Variants in ZMAT3 observed in about 807,000 individuals in gnomAD.
ZMAT3 encodes zinc finger matrin-type 3.
A neutral mutation model predicts 32.3 loss-of-function variants in ZMAT3; 17 were observed. The observed-to-expected ratio is 0.53, with a 90% CI of 0.36 to 0.79. The LOEUF (loss-of-function observed/expected upper bound fraction) is 0.79. Among genes scored for constraint, ZMAT3 ranks in the 30% least tolerant of loss-of-function variants. ZMAT3 has a pLI of 0.00. For missense variants in ZMAT3, 329 were observed against 359.7 expected (o/e 0.91, Z 0.69); for synonymous variants, 120 against 133.1 (o/e 0.90, Z 0.68).
At chr3:179,064,571 A>G (rs1398072283) in intron 2 of ZMAT3, among the ~76,000 whole-genome samples, 1 of 152,106 alleles carries the variant, frequency 6.6e-6, no homozygotes, top group African/African-American at 2.4e-5. Flanking sequence ...CTGGGACTAC[A>G]AGTGTCTGCC....
chr3:179,027,390 T>G, intron 5 of ZMAT3, 33 bp downstream of exon 5: 1 of 1,587,502 alleles, frequency 6.3e-7, no homozygotes, highest in Non-Finnish European at 8.6e-7. Flanking sequence ...AGGTACAGAA[T>G]GTACCCAAGG....
At chr3:179,052,168 C>G (rs991609301) in intron 2 of ZMAT3, among the ~76,000 whole-genome samples, 3 of 152,236 alleles carry the variant, frequency 2.0e-5, no homozygotes, top group African/African-American at 7.2e-5. Context: ...AACTAAAAAG[C>G]TTCTGCACAG....
chr3:179,057,040 G>T (rs1553803108), intron 2 of ZMAT3, among the ~76,000 whole-genome samples: 2 of 152,166 alleles, frequency 1.3e-5, no homozygotes, highest in African/African-American at 4.8e-5. Flanking sequence ...TCCAGTTCAA[G>T]TTAAACTAAA....
chr3:179,065,580 G>A (rs561661811), intron 2 of ZMAT3, among the ~76,000 whole-genome samples: 2 of 152,150 alleles, frequency 1.3e-5, no homozygotes, highest in East Asian at 3.9e-4. Flanking sequence ...TATAATCCAT[G>A]GACATGTTAA....
intron 2 of ZMAT3, among the ~76,000 whole-genome samples, chr3:179,034,951 G>GT (rs766043792): frequency 7.4e-4 from 113 of 152,134 alleles, no homozygotes; most frequent in Non-Finnish European, 1.4e-3. Context: ...TTTGCAGTAG[G>GT]TAACAGTGGT....
chr3:179,025,307 G>A (rs1718809463), intron 5 of ZMAT3, 79 bp from the exon 6 acceptor site: 3 of 1,148,392 alleles, frequency 2.6e-6, no homozygotes, highest in Middle Eastern at 2.7e-4. Flanking sequence ...ACTGTAATTT[G>A]TAATTCTAAG....
chr3:179,027,604 C>T (rs772998179), intron 4 of ZMAT3, 42 bp downstream of exon 4: 1 of 1,613,816 alleles, frequency 6.2e-7, no homozygotes. Flanking sequence ...GACAGTCAAT[C>T]TCACATAACA....
intron 2 of ZMAT3, among the ~76,000 whole-genome samples, chr3:179,047,057 C>T (rs1408881999): frequency 6.6e-6 from 1 of 152,172 alleles, no homozygotes; most frequent in Non-Finnish European, 1.5e-5. Context: ...AACACAAAAC[C>T]AGCACACTTA....
rs2108525369 is a variant in ZMAT3, at chr3:179,019,315, A to C, written c.*5702T>G. On this transcript the variant is annotated 3_prime_UTR_variant, in exon 6 of 6. Transcript: ENST00000311417. ...GTATGTTAATTGGCTCAGATTATCA[A>C]CTTCATACACCACTTTCAAAATAGA... is the stretch of plus-strand genomic sequence containing the variant. The C allele has an allele frequency of 6.6e-6, 1 of 152,268 alleles. No homozygotes were observed. Among genetic ancestry groups the C allele is most frequent in the East Asian group, 1.9e-4 (1 of 5,188 alleles). The allele number at this position is 152,268 out of a possible 1,614,324, so 9.4% of individuals were successfully genotyped here.
rs1718462912 is a variant in ZMAT3 at position 179,019,999 on chromosome 3, A to G, written c.*5018T>C. 1 of 152,128 alleles carries G rather than the reference A, an allele frequency of 6.6e-6. No individual in the cohort carries two copies. Among genetic ancestry groups the G allele is most frequent in the African/African-American group, 2.4e-5 (1 of 41,442 alleles). The allele number at this position is 152,128 out of a possible 1,614,324, so 9.4% of individuals were successfully genotyped here. ...CTGCCAGCTTGGGAAAACTGGATTC[A>G]TTTTCAGAATGTATGGTTTCTGATC... On this transcript the variant is annotated 3_prime_UTR_variant, in exon 6 of 6. Coordinates refer to ENST00000311417, the MANE Select transcript of ZMAT3 (RefSeq NM_022470.4).
At chr3:179,059,783 C>T (rs1294491981) in intron 2 of ZMAT3, among the ~76,000 whole-genome samples, 4 of 152,136 alleles carry the variant, frequency 2.6e-5, no homozygotes, top group African/African-American at 7.2e-5. Flanking sequence ...TGGTTGTCGG[C>T]CAACCTCCCC....
Position 179,023,710 on chromosome 3 carries a change from A to ATATATATATATATATTTT in ZMAT3, c.*1306_*1307insAAAATATATATATATATA. 3 of 25,058 alleles carry ATATATATATATATATTTT rather than the reference A, an allele frequency of 1.2e-4. No homozygotes were observed. The highest frequency in any genetic ancestry group is 1.2e-4 in the Non-Finnish European group (2 of 16,728). The allele number at this position is 25,058 out of a possible 1,614,324, so 1.6% of individuals were successfully genotyped here. On this transcript the variant is annotated 3_prime_UTR_variant, in exon 6 of 6. Transcript: ENST00000311417. ...GGAAAATATATCTATATATATATAT[A>ATATATATATATATATTTT]TTTTTTTTTTTTTTTTTTTTTTTTT...
chr3:179,026,379 C>CTTTTT (rs1235818885), intron 5 of ZMAT3, among the ~76,000 whole-genome samples: 58 of 65,924 alleles, frequency 8.8e-4, no homozygotes, highest in East Asian at 1.4e-3. Context: ...ATGAATTGTG[C>CTTTTT]TTTTTTTTTT....
chr3:179,035,853 G>C lies in ZMAT3; in HGVS notation c.271-4854C>G, dbSNP rs112918402. 2.7e-4 allele frequency among the ~76,000 whole-genome samples: 41 copies of C among 152,314 alleles called. 1 individual carries two copies. Among genetic ancestry groups the C allele is most frequent in the African/African-American group, 9.6e-4 (40 of 41,582 alleles). ...TCACGGAAGACTTCCCTGAAAAGGG[G>C]GCAACTGACTCATCTTTTTAAATGA... On this transcript the variant is annotated intron_variant, in intron 2 of 5. Coordinates refer to ENST00000311417, the MANE Select transcript of ZMAT3 (RefSeq NM_022470.4).
At chr3:179,035,257 G>A (rs916624572) in intron 2 of ZMAT3, among the ~76,000 whole-genome samples, 8 of 152,122 alleles carry the variant, frequency 5.3e-5, no homozygotes, top group Non-Finnish European at 4.4e-5. Flanking sequence ...ATCTGGCCCC[G>A]TCTATCTCTT....
At position 179,018,818 on chromosome 3, in the gene ZMAT3, G is replaced by A. The variant is rs1011140517; in HGVS notation, c.*6199C>T. The A allele has an allele frequency of 1.3e-5, 2 of 152,166 alleles. No individual in the cohort carries two copies. Among genetic ancestry groups the A allele is most frequent in the Admixed American group, 6.5e-5 (1 of 15,268 alleles). 9.4% of individuals were successfully genotyped at this position (152,166 alleles called of 1,614,324 possible). On this transcript the variant is annotated 3_prime_UTR_variant, in exon 6 of 6. Transcript: ENST00000311417. ...TCTGCTAATTATAGCTGGAGGAAGT[G>A]TGGATAATTACAATTCTCAAGGAAT...
chr3:179,033,082 T>C (rs921056153), intron 2 of ZMAT3, among the ~76,000 whole-genome samples: 15 of 152,250 alleles, frequency 9.9e-5, no homozygotes. Flanking sequence ...GAGATCAGAT[T>C]GTTACTGTGT....
chr3:179,070,205 T>A (rs1178586894), intron 1 of ZMAT3, among the ~76,000 whole-genome samples: 1 of 152,194 alleles, frequency 6.6e-6, no homozygotes, highest in African/African-American at 2.4e-5. Context: ...TCTGGACTTG[T>A]TTTATGAAAG....
At chr3:179,052,819 C>T (rs919312931) in intron 2 of ZMAT3, among the ~76,000 whole-genome samples, 25 of 152,026 alleles carry the variant, frequency 1.6e-4, no homozygotes, top group Admixed American at 9.2e-4. Flanking sequence ...TAAAAAGGAA[C>T]GAAATAATGG....
Sources: gnomAD v4.1 joint callset for allele counts (sites outside exome capture counted in the v4.1 genomes callset) on GRCh38, gnomAD v4.1.1 for gene constraint, MANE v1.5 for transcripts, NCBI Gene and HGNC (gene_info 2026-07-23, HGNC 2026-07-21) for gene names.